Variants in EIF4G3 observed in about 807,000 individuals in gnomAD.
The protein encoded by EIF4G3 is eIF-4-gamma 3.
Under a neutral mutation model 186.4 loss-of-function variants are expected in EIF4G3, and 34 were observed. The observed-to-expected ratio is 0.18, with a 90% confidence interval of 0.14 to 0.24. EIF4G3 has a LOEUF of 0.24. Among genes scored for constraint, EIF4G3 ranks in the 10% least tolerant of loss-of-function variants. EIF4G3 has a pLI of 1.00. For synonymous variants in EIF4G3, 673 were observed against 679.5 expected (o/e 0.99, Z 0.15); for missense variants, 1,536 against 1,948.5 (o/e 0.79, Z 3.99).
At chr1:20,892,762 G>C in intron 18 of EIF4G3, 1 of 1,390,572 alleles carries the variant, frequency 7.2e-7, no homozygotes, top group Non-Finnish European at 9.8e-7. Flanking sequence ...ATGATCATTA[G>C]CTGAATGTCA....
intron 2 of EIF4G3, among the ~76,000 whole-genome samples, chr1:21,163,994 G>C (rs1009742850): frequency 1.3e-5 from 2 of 151,942 alleles, no homozygotes; most frequent in African/African-American, 4.8e-5. Flanking sequence ...GGCTGGTCTC[G>C]TACTCCTGAC....
chr1:20,807,269 A>T lies in EIF4G3; in HGVS notation c.*50T>A, dbSNP rs775476606. 79 of 1,529,062 alleles carry T rather than the reference A, an allele frequency of 5.2e-5. No homozygotes were observed. The highest frequency in any genetic ancestry group is 4.1e-4 in the Middle Eastern group (2 of 4,836). 94.7% of individuals were successfully genotyped at this position (1,529,062 alleles called of 1,614,324 possible). A position where few individuals can be genotyped will look rare whatever the true frequency, so the allele number is the denominator to read the frequency against. On this transcript the variant is annotated 3_prime_UTR_variant, in exon 37 of 37. Transcript: ENST00000602326. ...GATTGGCGAAGACGTGAAACTTTTT[A>T]AAAAAATACTTAAATTGTTTCTTTT...
intron 4 of EIF4G3, among the ~76,000 whole-genome samples, chr1:21,014,269 C>T (rs2088149499): frequency 6.6e-6 from 1 of 152,182 alleles, no homozygotes; most frequent in Admixed American, 6.5e-5. Context: ...GGTTGTCTGG[C>T]CCAGTTCAAA....
chr1:21,098,672 C>G (rs1190663974), intron 2 of EIF4G3, among the ~76,000 whole-genome samples: 1 of 151,874 alleles, frequency 6.6e-6, no homozygotes, highest in African/African-American at 2.4e-5. Flanking sequence ...TTTTGAGAGA[C>G]AGGGTCTTGC....
At chr1:21,123,876 T>C (rs915240296) in intron 2 of EIF4G3, among the ~76,000 whole-genome samples, 2 of 152,322 alleles carry the variant, frequency 1.3e-5, no homozygotes, top group East Asian at 3.9e-4. Context: ...GAGACAGAAT[T>C]GCTATGGTAC....
Position 21,176,199 on chromosome 1 carries a change from G to T in EIF4G3, c.-296C>A, listed in dbSNP as rs2098100587. 4 of 427,860 alleles carry T rather than the reference G, an allele frequency of 9.3e-6. No homozygotes were observed. Among genetic ancestry groups the T allele is most frequent in the Non-Finnish European group, 1.6e-5 (4 of 245,084 alleles). The allele number at this position is 427,860 out of a possible 1,614,324, so 26.5% of individuals were successfully genotyped here. Reference sequence around the variant, plus strand: ...CTGTTGGGGCGCCTGAGTCTGGAGGGCCCTGATGTTCGGGTGAGGAGGGGG... The same window carrying T: ...CTGTTGGGGCGCCTGAGTCTGGAGGTCCCTGATGTTCGGGTGAGGAGGGGG... On this transcript the variant is annotated 5_prime_UTR_variant, in exon 2 of 37. Coordinates refer to ENST00000602326, the MANE Select transcript of EIF4G3 (RefSeq NM_001391906.1).
chr1:20,939,135 AG>A (rs1279332135), intron 14 of EIF4G3, among the ~76,000 whole-genome samples: 6 of 149,384 alleles, frequency 4.0e-5, no homozygotes, highest in Non-Finnish European at 7.4e-5. Context: ...AAAAAAAAAA[AG>A]CTAGAGTTGC....
intron 2 of EIF4G3, among the ~76,000 whole-genome samples, chr1:21,101,295 C>T (rs1169589954): frequency 4.7e-5 from 7 of 147,500 alleles, no homozygotes; most frequent in African/African-American, 1.5e-4. Context: ...GGGCCGAGCA[C>T]GGTGGCTCAC....
chr1:20,997,689 C>A, intron 6 of EIF4G3, 56 bp from the exon 7 acceptor site: 1 of 1,440,538 alleles, frequency 6.9e-7, no homozygotes, highest in Non-Finnish European at 9.2e-7. Flanking sequence ...GTCAGAAACA[C>A]CACAACAAAA....
chr1:20,942,555 A>G (rs562002870), intron 13 of EIF4G3, among the ~76,000 whole-genome samples: 2 of 152,208 alleles, frequency 1.3e-5, no homozygotes, highest in Non-Finnish European at 2.9e-5. Flanking sequence ...GAGTAAGAGA[A>G]GGAATCTATT....
At chr1:20,853,767 A>T in intron 26 of EIF4G3, 90 bp from the exon 27 acceptor site, 1 of 903,920 alleles carries the variant, frequency 1.1e-6, no homozygotes, top group Non-Finnish European at 1.8e-6. Context: ...GAGGCCTGAG[A>T]CCAGGCATTC....
intron 14 of EIF4G3, among the ~76,000 whole-genome samples, chr1:20,939,875 G>C (rs1235586436): frequency 9.5e-6 from 1 of 104,854 alleles, no homozygotes; most frequent in Non-Finnish European, 1.8e-5. Flanking sequence ...TTTTTTTTGA[G>C]ATGGAGTCTC....
At chr1:21,051,412 TA>T (rs1425436048) in intron 3 of EIF4G3, among the ~76,000 whole-genome samples, 1 of 152,174 alleles carries the variant, frequency 6.6e-6, no homozygotes, top group Non-Finnish European at 1.5e-5. Context: ...GTATCATGCT[TA>T]TAGTGAGAAT....
chr1:21,035,160 A>G (rs1234855912), intron 4 of EIF4G3, among the ~76,000 whole-genome samples: 1 of 152,082 alleles, frequency 6.6e-6, no homozygotes, highest in Non-Finnish European at 1.5e-5. Context: ...CCCAGGCCTG[A>G]GGCCACTGCA....
At chr1:21,125,741 A>T (rs1241368437) in intron 2 of EIF4G3, among the ~76,000 whole-genome samples, 1 of 145,066 alleles carries the variant, frequency 6.9e-6, no homozygotes, top group African/African-American at 2.6e-5. Context: ...ATATATATAA[A>T]TAAATATATA....
intron 14 of EIF4G3, among the ~76,000 whole-genome samples, chr1:20,940,312 A>G (rs2095668187): frequency 6.6e-6 from 1 of 152,198 alleles, no homozygotes; most frequent in South Asian, 2.1e-4. Context: ...AGATTTATGA[A>G]AAATTTCTCA....
At chr1:21,174,772 T>C (rs556981556) in intron 2 of EIF4G3, 1 of 152,234 alleles carries the variant, frequency 6.6e-6, no homozygotes, top group East Asian at 1.9e-4. Flanking sequence ...CAATTCCTAA[T>C]TGAACAGAAT....
At chr1:20,837,669 T>C (rs1239577557) in intron 30 of EIF4G3, among the ~76,000 whole-genome samples, 3 of 152,124 alleles carry the variant, frequency 2.0e-5, no homozygotes, top group African/African-American at 7.2e-5. Context: ...ACTATCTTTG[T>C]AGGTTAAGAA....
chr1:21,117,736 TAAAAAAAAAA>T (rs71014156), intron 2 of EIF4G3, among the ~76,000 whole-genome samples: 1 of 73,088 alleles, frequency 1.4e-5, no homozygotes, highest in Non-Finnish European at 2.6e-5. Flanking sequence ...CAGTATATAG[TAAAAAAAAAA>T]AAAAAAAAAA....
Sources: allele counts gnomAD v4.1 joint callset (sites outside exome capture counted in the v4.1 genomes callset), GRCh38; gene constraint gnomAD v4.1.1; transcripts MANE v1.5; gene names NCBI Gene and HGNC (gene_info 2026-07-23, HGNC 2026-07-21).